Variants in DNAH11 observed in about 807,000 individuals in gnomAD.
DNAH11 encodes the protein axonemal beta dynein heavy chain 11.
A neutral mutation model predicts 526.0 loss-of-function variants in DNAH11; 442 were observed. That is an observed-to-expected ratio of 0.84 (90% CI 0.78 to 0.91). DNAH11 has a LOEUF of 0.91. Ranked by LOEUF, DNAH11 falls within the 40% of genes least tolerant of loss-of-function variation. The pLI is 0.00. For synonymous variants in DNAH11, 2,461 were observed against 1,935.9 expected (o/e 1.27, Z -7.12); for missense variants, 6,989 against 5,448.7 (o/e 1.28, Z -8.90).
At chr7:21,620,315 ATAGATCAC>A (rs1217747296) in intron 25 of DNAH11, among the ~76,000 whole-genome samples, 1 of 152,128 alleles carries the variant, frequency 6.6e-6, no homozygotes, top group Non-Finnish European at 1.5e-5. Flanking sequence ...CAACTGTGCA[ATAGATCAC>A]TAAAGCTTAT....
rs760719783 is a variant in DNAH11, at chr7:21,786,720, G to A, written c.9694G>A (p.Val3232Met). The A allele has an allele frequency of 2.5e-5, 41 of 1,613,750 alleles. No individual in the cohort carries two copies. The highest frequency in any genetic ancestry group is 1.7e-5 in the Admixed American group (1 of 59,998). Residue 3232 changes from valine to methionine, a missense_variant, in exon 59 of 82, where the codon GTG becomes ATG. Transcript: ENST00000409508. Reference sequence around the variant, plus strand: ...GGTCCTTCTGGCTCCTCGGGGAAGAGTGCCCAAAGACCGAAGTTGGAAAGC... The same window carrying A: ...GGTCCTTCTGGCTCCTCGGGGAAGAATGCCCAAAGACCGAAGTTGGAAAGC... The part of the protein sequence containing the change: ...VMVLLAPRGR[V>M]PKDRSWKAAK...
chr7:21,566,787 G>A (rs2128434629), intron 6 of DNAH11, among the ~76,000 whole-genome samples: 1 of 151,962 alleles, frequency 6.6e-6, no homozygotes, highest in Non-Finnish European at 1.5e-5. Context: ...GCATAATGTT[G>A]GAACATTGGA....
chr7:21,565,177 A>AGCGT (rs1235217160), intron 6 of DNAH11, among the ~76,000 whole-genome samples: 1 of 152,200 alleles, frequency 6.6e-6, no homozygotes, highest in Admixed American at 6.5e-5. Flanking sequence ...TGAGGGTGCC[A>AGCGT]GCGTGCTCAG....
intron 25 of DNAH11, among the ~76,000 whole-genome samples, chr7:21,623,925 C>T (rs1250666788): frequency 2.0e-5 from 3 of 151,328 alleles, no homozygotes. Flanking sequence ...TGTAACTAAC[C>T]TGCACATTGT....
chr7:21,901,305 T>TTAGCCTCTGCTGG lies in DNAH11; in HGVS notation c.*51_*52insTAGCCTCTGCTGG. 2.1e-5 allele frequency: 32 copies of TTAGCCTCTGCTGG among 1,549,288 alleles called. No homozygotes were observed. The highest frequency in any genetic ancestry group is 5.1e-5 in the South Asian group (4 of 78,898). ...CTGCTGGAGTGCAGTGAGGATTTTCTAGCATGTTGCTGCACTGTTCCCATG... is the reference window on the plus strand; with the variant it reads ...CTGCTGGAGTGCAGTGAGGATTTTCTTAGCCTCTGCTGGAGCATGTTGCTGCACTGTTCCCATG... On this transcript the variant is annotated 3_prime_UTR_variant, in exon 82 of 82. Transcript: ENST00000409508.
At chr7:21,696,896 A>T (rs1348058737) in intron 35 of DNAH11, among the ~76,000 whole-genome samples, 3 of 152,188 alleles carry the variant, frequency 2.0e-5, no homozygotes, top group African/African-American at 7.2e-5. Flanking sequence ...AGTAAAAATT[A>T]GTTGTCTATA....
chr7:21,720,661 A>G, intron 43 of DNAH11, 64 bp from the exon 44 acceptor site: 1 of 1,482,360 alleles, frequency 6.7e-7, no homozygotes, highest in Non-Finnish European at 9.0e-7. Flanking sequence ...AGTTGTAAAA[A>G]TATTCTTTGA....
intron 30 of DNAH11, among the ~76,000 whole-genome samples, chr7:21,679,941 A>G (rs886828921): frequency 6.6e-6 from 1 of 152,240 alleles, no homozygotes; most frequent in African/African-American, 2.4e-5. Context: ...ACATATGTAT[A>G]CATATGCCAT....
intron 49 of DNAH11, among the ~76,000 whole-genome samples, chr7:21,743,711 A>G (rs766393487): frequency 6.6e-6 from 1 of 152,214 alleles, no homozygotes; most frequent in Admixed American, 6.5e-5. Context: ...TTAAAAGCAG[A>G]ATTTTAATCT....
At chr7:21,619,909 A>G (rs1343684158) in intron 24 of DNAH11, 47 bp from the exon 25 acceptor site, 2 of 1,516,462 alleles carry the variant, frequency 1.3e-6, no homozygotes, top group African/African-American at 2.9e-5. Flanking sequence ...CTACATATTG[A>G]TTATCAATTA....
chr7:21,682,099 A>C (rs1210698321), intron 31 of DNAH11, among the ~76,000 whole-genome samples: 1 of 152,206 alleles, frequency 6.6e-6, no homozygotes, highest in Non-Finnish European at 1.5e-5. Context: ...CCCCTTGAAG[A>C]GAGAGGTGTT....
chr7:21,609,528 G>C (rs74362704), intron 20 of DNAH11, among the ~76,000 whole-genome samples: 211 of 152,028 alleles, frequency 1.4e-3, no homozygotes, highest in African/African-American at 4.7e-3. Context: ...CCATAACTGG[G>C]TATATATTTC....
chr7:21,570,971 G>A (rs1783863592), intron 7 of DNAH11, among the ~76,000 whole-genome samples: 1 of 151,940 alleles, frequency 6.6e-6, no homozygotes, highest in South Asian at 2.1e-4. Context: ...CATTGATAAA[G>A]GTTTGTTTTA....
intron 65 of DNAH11, among the ~76,000 whole-genome samples, chr7:21,821,921 C>A (rs561743949): frequency 2.6e-5 from 4 of 151,876 alleles, no homozygotes; most frequent in Non-Finnish European, 4.4e-5. Context: ...CCATGAGACC[C>A]GATTTTTTAG....
intron 20 of DNAH11, among the ~76,000 whole-genome samples, chr7:21,612,140 T>C (rs1785545818): frequency 1.3e-5 from 2 of 152,052 alleles, no homozygotes; most frequent in Admixed American, 6.5e-5. Flanking sequence ...TTTAGAAAAA[T>C]ATAATTTACC....
intron 25 of DNAH11, among the ~76,000 whole-genome samples, chr7:21,624,244 C>G (rs894805387): frequency 2.0e-5 from 3 of 151,998 alleles, no homozygotes; most frequent in Admixed American, 1.3e-4. Flanking sequence ...ATTTTTTCAT[C>G]AATGTTTTGT....
intron 20 of DNAH11, among the ~76,000 whole-genome samples, chr7:21,610,455 C>A (rs1280544472): frequency 6.6e-6 from 1 of 152,102 alleles, no homozygotes; most frequent in African/African-American, 2.4e-5. Flanking sequence ...CACTCTCATT[C>A]AGTCTCTTTA....
At chr7:21,574,047 C>A (rs1783992690) in intron 8 of DNAH11, among the ~76,000 whole-genome samples, 1 of 152,168 alleles carries the variant, frequency 6.6e-6, no homozygotes, top group South Asian at 2.1e-4. Context: ...CAGGTGTGCC[C>A]ATAAAAATGG....
Position 21,892,478 on chromosome 7 carries a change from T to G in DNAH11, c.12561T>G (p.Asp4187Glu), listed in dbSNP as rs148429731. ...APGFAAPPYLDYAGYHQYIEE... is the reference protein window; with the variant it reads ...APGFAAPPYLEYAGYHQYIEE... The stretch of plus-strand genomic sequence containing the variant: ...GTTTTGCTGCCCCACCCTACCTAGA[T>G]TATGCAGGCTACCACCAGTACATAG... The change falls in exon 77 of 82, where the codon GAT becomes GAG. Residue 4187 changes from aspartate (D) to glutamate (E), a missense_variant. Physicochemically the swap from Asp to Glu is conservative, Grantham distance 45. Coordinates refer to ENST00000409508, the MANE Select transcript of DNAH11 (RefSeq NM_001277115.2). 2.1e-3 allele frequency: 3,358 copies of G among 1,613,852 alleles called. 63 individuals carry two copies. The African/African-American group carries it at 0.039, about 19-fold the overall frequency.
Sources: gnomAD v4.1 joint callset for allele counts (sites outside exome capture counted in the v4.1 genomes callset) on GRCh38, gnomAD v4.1.1 for gene constraint, MANE v1.5 for transcripts, NCBI Gene and HGNC (gene_info 2026-07-23, HGNC 2026-07-21) for gene names.